ZNF140: variants seen among roughly 807,000 people sequenced by gnomAD.
The protein encoded by ZNF140 is zinc finger protein 140 (clone pHZ-39).
Under a neutral mutation model 12.9 loss-of-function variants are expected in ZNF140, and 13 were observed. The ratio of observed to expected loss-of-function variants is 1.01; its 90% CI spans 0.66 to 1.60. The LOEUF (loss-of-function observed/expected upper bound fraction) is 1.60, where lower values mean the gene tolerates loss of function less well. Among genes scored for constraint, ZNF140 ranks in the 40% most tolerant of loss-of-function variants. The pLI is 0.00. For synonymous variants in ZNF140, 214 were observed against 186.7 expected (o/e 1.15, Z -1.19); for missense variants, 531 against 548.8 (o/e 0.97, Z 0.32).
chr12:133,088,198 A>AT (rs1954742735), intron 4 of ZNF140, among the ~76,000 whole-genome samples: 1 of 151,954 alleles, frequency 6.6e-6, no homozygotes, highest in Admixed American at 6.6e-5. Flanking sequence ...ATCTTTCTAG[A>AT]TTTTTTCCTG....
chr12:133,099,721 T>G (rs1282690860), intron 4 of ZNF140, among the ~76,000 whole-genome samples: 1 of 152,174 alleles, frequency 6.6e-6, no homozygotes, highest in East Asian at 1.9e-4. Flanking sequence ...CTTTTACTTA[T>G]TTCTTCTTAA....
chr12:133,099,350 T>A (rs1955251066), intron 4 of ZNF140, among the ~76,000 whole-genome samples: 1 of 152,052 alleles, frequency 6.6e-6, no homozygotes, highest in Admixed American at 6.6e-5. Flanking sequence ...CTAATTTTTG[T>A]ATTTTTAGTA....
At chr12:133,092,881 A>G (rs1954941049) in intron 4 of ZNF140, among the ~76,000 whole-genome samples, 1 of 151,170 alleles carries the variant, frequency 6.6e-6, no homozygotes, top group Non-Finnish European at 1.5e-5. Context: ...ATTGTTCCCA[A>G]ACTAAGACTT....
intron 2 of ZNF140, chr12:133,082,258 T>A (rs1011513480): frequency 1.3e-5 from 2 of 152,244 alleles, no homozygotes; most frequent in Admixed American, 1.3e-4. Flanking sequence ...GAATCCAATT[T>A]CCACCTCTGC....
Position 133,106,050 on chromosome 12 carries a change from C to G in ZNF140, c.773C>G (p.Ser258Cys), listed in dbSNP as rs371503435. The G allele has an allele frequency of 5.5e-5, 89 of 1,614,086 alleles. No individual in the cohort carries two copies. The African/African-American group carries it at 8.7e-4, about 16-fold the overall frequency. Residue 258 changes from serine to cysteine, a missense_variant, in exon 5 of 5, where the codon TCC (serine) becomes TGC (cysteine). Coordinates refer to ENST00000355557, the MANE Select transcript of ZNF140 (RefSeq NM_003440.4). ...TGTGGAAAGGCCTTTAGCCGTGCCT[C>G]CAACCTCACTCGACATCAAAGAATT... ...TECGKAFSRA[S>C]NLTRHQRIHI...
At chr12:133,083,613 C>A in intron 4 of ZNF140, 52 bp downstream of exon 4, 1 of 1,514,796 alleles carries the variant, frequency 6.6e-7, no homozygotes, top group Non-Finnish European at 9.1e-7. Context: ...CTCAATTAGT[C>A]AATGAAAAAG....
At chr12:133,093,306 T>G (rs1299385742) in intron 4 of ZNF140, 4 of 619,296 alleles carry the variant, frequency 6.5e-6, no homozygotes, top group Non-Finnish European at 1.2e-5. Context: ...TAAGTATAGT[T>G]AGTTGTAGCG....
At chr12:133,104,905 A>G (rs1955531202) in intron 4 of ZNF140, among the ~76,000 whole-genome samples, 2 of 152,166 alleles carry the variant, frequency 1.3e-5, no homozygotes, top group African/African-American at 4.8e-5. Flanking sequence ...CCAGGTAATC[A>G]GCATAATGCC....
At chr12:133,084,648 A>G (rs1402388294) in intron 4 of ZNF140, among the ~76,000 whole-genome samples, 2 of 152,250 alleles carry the variant, frequency 1.3e-5, no homozygotes, top group Non-Finnish European at 2.9e-5. Flanking sequence ...TGTAAATTCT[A>G]TAGTTGCTTC....
At chr12:133,081,520 C>G (rs1360532699) in intron 2 of ZNF140, 191 bp downstream of exon 2, 3 of 457,716 alleles carry the variant, frequency 6.6e-6, no homozygotes, top group Admixed American at 2.3e-5. Flanking sequence ...GAAGTGCAGC[C>G]GTGTTTTTCA....
intron 1 of ZNF140, 54 bp from the exon 2 acceptor site, chr12:133,081,219 T>C: frequency 1.1e-6 from 1 of 908,118 alleles, no homozygotes; most frequent in East Asian, 2.8e-5. Flanking sequence ...ATCTAGTGAC[T>C]TGGGCGCGGC....
Position 133,100,169 on chromosome 12 carries a change from T to G in ZNF140, c.233-5341T>G, listed in dbSNP as rs1489120559. 8.6e-4 allele frequency among the ~76,000 whole-genome samples: 117 copies of G among 136,732 alleles called. 1 individual carries two copies. The highest frequency in any genetic ancestry group is 4.0e-3 in the South Asian group (16 of 4,014). 89.7% of individuals were successfully genotyped at this position (136,732 alleles called of 152,430 possible). ...ATTTAATGCCTTTTCCGTTTTTTTT[T>G]TTTTTTTTTTTTTTTTTTGGCAGGG... On this transcript the variant is annotated intron_variant, in intron 4 of 4. Coordinates refer to ENST00000355557, the MANE Select transcript of ZNF140 (RefSeq NM_003440.4).
At chr12:133,104,618 T>C (rs1244781668) in intron 4 of ZNF140, among the ~76,000 whole-genome samples, 3 of 152,198 alleles carry the variant, frequency 2.0e-5, no homozygotes, top group African/African-American at 7.2e-5. Flanking sequence ...CCCAAAGTGC[T>C]GAGATTACAG....
intron 4 of ZNF140, among the ~76,000 whole-genome samples, chr12:133,098,948 A>G (rs1955232870): frequency 6.6e-6 from 1 of 152,076 alleles, no homozygotes; most frequent in Admixed American, 6.5e-5. Context: ...CAGTGGCACT[A>G]TCTTGGCTCA....
At chr12:133,088,610 T>A (rs1030541486) in intron 4 of ZNF140, among the ~76,000 whole-genome samples, 9 of 152,242 alleles carry the variant, frequency 5.9e-5, no homozygotes, top group Non-Finnish European at 4.4e-5. Flanking sequence ...TTCATTTGGG[T>A]AAATACCAAG....
chr12:133,091,609 T>C (rs1044506975), intron 4 of ZNF140, among the ~76,000 whole-genome samples: 2 of 150,430 alleles, frequency 1.3e-5, no homozygotes, highest in African/African-American at 4.9e-5. Flanking sequence ...CTGGTCGCTG[T>C]CTCTCCGGAG....
At chr12:133,100,160 G>GGT (rs1955286489) in intron 4 of ZNF140, among the ~76,000 whole-genome samples, 1 of 60,978 alleles carries the variant, frequency 1.6e-5, no homozygotes, top group African/African-American at 7.9e-5. Context: ...TGCCTTTTCC[G>GGT]TTTTTTTTTT....
chr12:133,095,823 A>G (rs1268015293), intron 4 of ZNF140, among the ~76,000 whole-genome samples: 2 of 152,022 alleles, frequency 1.3e-5, no homozygotes, highest in Admixed American at 1.3e-4. Flanking sequence ...TCTCCACCCA[A>G]ACATCTCAGC....
Position 133,105,956 on chromosome 12 carries a change from A to G in ZNF140, c.679A>G (p.Ser227Gly). Residue 227 changes from serine to glycine, a missense_variant, in exon 5 of 5, where the codon AGT becomes GGT. Ser to Gly is a moderately conservative substitution (Grantham distance 56). Coordinates refer to ENST00000355557, the MANE Select transcript of ZNF140 (RefSeq NM_003440.4). Reference protein sequence around the residue: ...HECKDCNKTFSYLSFLIEHQR... With the variant: ...HECKDCNKTFGYLSFLIEHQR... ...GTGTAAGGACTGTAATAAAACATTC[A>G]GTTACCTTTCATTTCTTATTGAACA... 3 of 1,614,198 alleles carry G rather than the reference A, an allele frequency of 1.9e-6. No homozygotes were observed. The highest frequency in any genetic ancestry group is 1.1e-5 in the South Asian group (1 of 91,084).
Sources: allele counts gnomAD v4.1 joint callset (sites outside exome capture counted in the v4.1 genomes callset), GRCh38; gene constraint gnomAD v4.1.1; transcripts MANE v1.5; gene names NCBI Gene and HGNC (gene_info 2026-07-23, HGNC 2026-07-21).